Variants in NOS1 observed in about 807,000 individuals in gnomAD.
NOS1 encodes NOS type I.
NOS1 carries 51 observed loss-of-function variants against 164.5 expected under a neutral mutation model. That is an observed-to-expected ratio of 0.31 (90% CI 0.25 to 0.39). NOS1 has a LOEUF of 0.39. Ranked by LOEUF, NOS1 falls within the 10% of genes least tolerant of loss-of-function variation. The probability of loss-of-function intolerance (pLI) is 1.00; values close to 1 mark genes in which losing one functional copy is unlikely to be tolerated. For missense variants in NOS1, 1,362 were observed against 1,885.6 expected (o/e 0.72, Z 5.14); for synonymous variants, 719 against 745.8 (o/e 0.96, Z 0.59).
intron 16 of NOS1, among the ~76,000 whole-genome samples, chr12:117,254,665 A>G (rs1871309430): frequency 6.6e-6 from 1 of 152,054 alleles, no homozygotes; most frequent in Admixed American, 6.5e-5. Context: ...GTACACTGCA[A>G]ACCTCCCTAG....
rs370714924 is a variant in NOS1 at position 117,223,338 on chromosome 12, T to G, written c.3827-475A>C. Among the ~76,000 whole-genome samples the G allele has an allele frequency of 2.6e-5, 4 of 151,386 alleles. No homozygotes were observed. In the East Asian group the frequency reaches 7.8e-4, roughly 30 times the overall value. ...AGTGCGTGGCACGACCTCGGCTCAC[T>G]GCAACCTCCACCTCCCGGGTTCAAT... On this transcript the variant is annotated intron_variant, in intron 25 of 28. Transcript: ENST00000317775.
chr12:117,212,020 C>T lies in NOS1; in HGVS notation c.*3289G>A, dbSNP rs973337212. 1.8e-5 allele frequency: 15 copies of T among 847,586 alleles called. No homozygotes were observed. The highest frequency in any genetic ancestry group is 1.1e-4 in the African/African-American group (6 of 54,396). The allele number at this position is 847,586 out of a possible 1,614,324, so 52.5% of individuals were successfully genotyped here. ...GGCAGAGGATGCAGTGAGCTGAGATCGTACCACTGTACGCCAGCCTGGGTG... is the reference window on the plus strand; with the variant it reads ...GGCAGAGGATGCAGTGAGCTGAGATTGTACCACTGTACGCCAGCCTGGGTG... On this transcript the variant is annotated 3_prime_UTR_variant, in exon 29 of 29. Coordinates refer to ENST00000317775, the MANE Select transcript of NOS1 (RefSeq NM_000620.5).
intron 16 of NOS1, 88 bp downstream of exon 16, chr12:117,258,309 G>C: frequency 7.7e-7 from 1 of 1,304,552 alleles, no homozygotes; most frequent in Admixed American, 1.8e-5. Context: ...CCACCATCCA[G>C]AACTCAAATG....
chr12:117,279,516 C>T (rs983364021), intron 8 of NOS1, among the ~76,000 whole-genome samples: 28 of 152,150 alleles, frequency 1.8e-4, no homozygotes, highest in African/African-American at 6.5e-4. Context: ...GATCAATAGC[C>T]ACATGTGTCC....
chr12:117,255,897 A>C, intron 16 of NOS1: 3 of 1,307,672 alleles, frequency 2.3e-6, no homozygotes, highest in Non-Finnish European at 2.1e-6. Flanking sequence ...GCATGCATAC[A>C]CTCGCACACA....
chr12:117,303,149 G>A (rs919552904), intron 3 of NOS1, among the ~76,000 whole-genome samples: 5 of 152,116 alleles, frequency 3.3e-5, no homozygotes, highest in Admixed American at 3.3e-4. Flanking sequence ...GCATTTTACT[G>A]GTTTGCCTTC....
intron 2 of NOS1, among the ~76,000 whole-genome samples, chr12:117,327,364 G>A (rs746379950): frequency 6.6e-6 from 1 of 152,156 alleles, no homozygotes; most frequent in Non-Finnish European, 1.5e-5. Context: ...GGCAAATAAG[G>A]CCAATGCCTT....
intron 2 of NOS1, among the ~76,000 whole-genome samples, chr12:117,322,490 C>T (rs1593021659): frequency 8.4e-6 from 1 of 118,870 alleles, no homozygotes. Context: ...CCTTCCTTTC[C>T]TCTCTCCTTC....
intron 11 of NOS1, among the ~76,000 whole-genome samples, chr12:117,266,374 C>T (rs1226169308): frequency 6.6e-6 from 1 of 152,114 alleles, no homozygotes; most frequent in Non-Finnish European, 1.5e-5. Flanking sequence ...TTTTTCATTC[C>T]TGAGTTACTT....
intron 22 of NOS1, among the ~76,000 whole-genome samples, chr12:117,230,221 T>C (rs1179721484): frequency 6.6e-6 from 1 of 152,242 alleles, no homozygotes; most frequent in African/African-American, 2.4e-5. Context: ...AATTCTGCTT[T>C]AAATAAGATA....
intron 1 of NOS1, among the ~76,000 whole-genome samples, chr12:117,349,889 AT>A (rs1360462664): frequency 2.3e-5 from 2 of 87,464 alleles, no homozygotes; most frequent in African/African-American, 9.6e-5. Flanking sequence ...CACTTGGTTA[AT>A]TTTTTATTTT....
chr12:117,284,332 C>T (rs1477852186), intron 7 of NOS1, among the ~76,000 whole-genome samples: 1 of 152,156 alleles, frequency 6.6e-6, no homozygotes, highest in African/African-American at 2.4e-5. Flanking sequence ...TGTTCATTTC[C>T]ACCTGTCCCT....
chr12:117,226,514 G>A (rs1868686782), intron 24 of NOS1, among the ~76,000 whole-genome samples, 169 bp downstream of exon 24: 1 of 152,178 alleles, frequency 6.6e-6, no homozygotes, highest in South Asian at 2.1e-4. Context: ...TTGCTGTGCT[G>A]CTCTGATCTT....
At chr12:117,312,507 C>T (rs1874480364) in intron 2 of NOS1, among the ~76,000 whole-genome samples, 1 of 152,210 alleles carries the variant, frequency 6.6e-6, no homozygotes, top group African/African-American at 2.4e-5. Context: ...CCTTGATCTT[C>T]TGGGTTCAAG....
intron 22 of NOS1, among the ~76,000 whole-genome samples, chr12:117,229,984 A>G (rs1869070967): frequency 6.6e-6 from 1 of 152,194 alleles, no homozygotes; most frequent in Non-Finnish European, 1.5e-5. Flanking sequence ...CAGTTGCAAG[A>G]TCGTGATTCA....
intron 10 of NOS1, 47 bp from the exon 11 acceptor site, chr12:117,268,191 A>G: frequency 7.6e-7 from 1 of 1,311,488 alleles, no homozygotes; most frequent in Non-Finnish European, 1.1e-6. Context: ...GTATCTCTGG[A>G]TTTCAGATTG....
intron 3 of NOS1, 143 bp from the exon 4 acceptor site, chr12:117,290,569 C>A: frequency 9.6e-7 from 1 of 1,038,042 alleles, no homozygotes; most frequent in Non-Finnish European, 1.3e-6. Flanking sequence ...AAGATCCAGC[C>A]CTTCCTGCTT....
At chr12:117,266,001 G>A (rs1256521712) in intron 11 of NOS1, among the ~76,000 whole-genome samples, 4 of 150,396 alleles carry the variant, frequency 2.7e-5, no homozygotes, top group South Asian at 2.1e-4. Context: ...GGGTTTCACC[G>A]TGTTAGCCAG....
chr12:117,311,805 C>T (rs963337728), intron 2 of NOS1, among the ~76,000 whole-genome samples: 6 of 152,292 alleles, frequency 3.9e-5, no homozygotes, highest in African/African-American at 1.4e-4. Flanking sequence ...ACAAAGGGAG[C>T]TCATCCAAGG....
Sources: gnomAD v4.1 joint callset for allele counts (sites outside exome capture counted in the v4.1 genomes callset) on GRCh38, gnomAD v4.1.1 for gene constraint, MANE v1.5 for transcripts, NCBI Gene and HGNC (gene_info 2026-07-23, HGNC 2026-07-21) for gene names.